Variants in ARK2C observed in about 807,000 individuals in gnomAD.
ARK2C encodes arkadia (RNF111) C-terminal like ring finger ubiquitin ligase 2C.
At chr18:46,410,029 G>A in the ARK2C span, among the ~76,000 whole-genome samples, 1 of 152,160 alleles carries the variant, frequency 6.6e-6, no homozygotes, top group African/African-American at 2.4e-5. Context: ...CTCCTTAGAG[G>A]TTGCACCAAA....
chr18:46,383,536 T>G, the ARK2C span, among the ~76,000 whole-genome samples: 3 of 150,852 alleles, frequency 2.0e-5, no homozygotes, highest in African/African-American at 7.3e-5. Context: ...CTTGGCACCA[T>G]GTTGGTTTTC....
the ARK2C span, among the ~76,000 whole-genome samples, chr18:46,358,646 G>A: frequency 6.6e-6 from 1 of 152,128 alleles, no homozygotes; most frequent in Non-Finnish European, 1.5e-5. Flanking sequence ...CGTAGAATGA[G>A]CTGATCCCTC....
chr18:46,352,314 T>C, the ARK2C span, among the ~76,000 whole-genome samples: 1 of 152,238 alleles, frequency 6.6e-6, no homozygotes, highest in East Asian at 1.9e-4. Flanking sequence ...TTTGTTAATG[T>C]AGCCTCAGTT....
At chr18:46,344,059 G>A in the ARK2C span, among the ~76,000 whole-genome samples, 1 of 152,212 alleles carries the variant, frequency 6.6e-6, no homozygotes, top group African/African-American at 2.4e-5. Context: ...CCTCCAGGAA[G>A]TCCTCCCTGC....
At chr18:46,435,206 G>A in the ARK2C span, 1 of 1,236,506 alleles carries the variant, frequency 8.1e-7, no homozygotes, top group South Asian at 1.2e-5. Context: ...GCACCCTCAG[G>A]CTGCCCCGGT....
the ARK2C span, among the ~76,000 whole-genome samples, chr18:46,445,042 C>T: frequency 4.0e-5 from 6 of 151,340 alleles, no homozygotes; most frequent in African/African-American, 7.3e-5. Context: ...TTCCATGGAT[C>T]GATTTTTCAC....
the ARK2C span, among the ~76,000 whole-genome samples, chr18:46,408,201 A>C: frequency 6.6e-6 from 1 of 152,170 alleles, no homozygotes; most frequent in Non-Finnish European, 1.5e-5. Flanking sequence ...GGGGGCTGAT[A>C]AAGAGGCTGT....
At chr18:46,452,955 G>A in the ARK2C span, among the ~76,000 whole-genome samples, 2 of 152,126 alleles carry the variant, frequency 1.3e-5, no homozygotes, top group East Asian at 3.9e-4. Context: ...GCTACCATAC[G>A]GGGTGCTGTG....
the ARK2C span, among the ~76,000 whole-genome samples, chr18:46,444,468 G>GATT: frequency 3.3e-5 from 5 of 151,424 alleles, no homozygotes; most frequent in East Asian, 3.9e-4. Flanking sequence ...CTTCATTTTG[G>GATT]ATTATTATTA....
At chr18:46,404,237 C>T in the ARK2C span, among the ~76,000 whole-genome samples, 1 of 152,146 alleles carries the variant, frequency 6.6e-6, no homozygotes, top group Non-Finnish European at 1.5e-5. Context: ...CCTGGTGCTA[C>T]GTTACAGCAT....
At chr18:46,455,382 C>T in the ARK2C span, among the ~76,000 whole-genome samples, 1 of 152,102 alleles carries the variant, frequency 6.6e-6, no homozygotes, top group African/African-American at 2.4e-5. Flanking sequence ...AAACTGTGCA[C>T]AGTCATAGCT....
At chr18:46,340,169 A>G in the ARK2C span, among the ~76,000 whole-genome samples, 2 of 152,262 alleles carry the variant, frequency 1.3e-5, no homozygotes, top group Non-Finnish European at 2.9e-5. Context: ...TTAACATTGT[A>G]TGAATGTGAA....
chr18:46,450,069 C>T, the ARK2C span, among the ~76,000 whole-genome samples: 1 of 152,166 alleles, frequency 6.6e-6, no homozygotes, highest in Admixed American at 6.5e-5. Context: ...CAGTGCCTGC[C>T]ATGAAGGTTA....
the ARK2C span, among the ~76,000 whole-genome samples, chr18:46,340,929 G>A: frequency 6.6e-6 from 1 of 152,222 alleles, no homozygotes; most frequent in African/African-American, 2.4e-5. Context: ...GGAGGAAGAG[G>A]AGAGAGCACC....
At chr18:46,363,765 T>C in the ARK2C span, among the ~76,000 whole-genome samples, 2 of 152,044 alleles carry the variant, frequency 1.3e-5, no homozygotes, top group Admixed American at 6.6e-5. Context: ...GCAGGAAACA[T>C]ACTTTTTAAG....
the ARK2C span, chr18:46,461,036 C>T: frequency 6.6e-6 from 1 of 152,330 alleles, no homozygotes; most frequent in Non-Finnish European, 1.5e-5. Flanking sequence ...AGGCCACTGT[C>T]TCCACCTGGC....
chr18:46,352,152 T>C, the ARK2C span, among the ~76,000 whole-genome samples: 1 of 152,120 alleles, frequency 6.6e-6, no homozygotes, highest in Non-Finnish European at 1.5e-5. Context: ...CTGGAGACAT[T>C]TGGGAACCCT....
the ARK2C span, among the ~76,000 whole-genome samples, chr18:46,354,227 A>G: frequency 3.9e-5 from 6 of 152,340 alleles, no homozygotes; most frequent in Admixed American, 6.5e-5. Flanking sequence ...GACAGGGGAC[A>G]CCTCTTGAAG....
chr18:46,383,834 A>G, the ARK2C span, among the ~76,000 whole-genome samples: 1 of 151,402 alleles, frequency 6.6e-6, no homozygotes, highest in Non-Finnish European at 1.5e-5. Flanking sequence ...CACAGGCGTG[A>G]GCCACCGCGC....
Sources: allele counts gnomAD v4.1 joint callset (sites outside exome capture counted in the v4.1 genomes callset), GRCh38; gene constraint gnomAD v4.1.1; transcripts MANE v1.5; gene names NCBI Gene and HGNC (gene_info 2026-07-23, HGNC 2026-07-21).